BCAS3: variants seen among roughly 807,000 people sequenced by gnomAD.
BCAS3 encodes the protein BCAS4/BCAS3 fusion.
A neutral mutation model predicts 116.1 loss-of-function variants in BCAS3; 53 were observed. The observed-to-expected ratio is 0.46, with a 90% confidence interval of 0.37 to 0.57. The LOEUF is 0.57. Ranked by LOEUF, BCAS3 falls within the 20% of genes least tolerant of loss-of-function variation. The probability of loss-of-function intolerance (pLI) is 0.00; values close to 1 mark genes in which losing one functional copy is unlikely to be tolerated. For missense variants in BCAS3, 917 were observed against 1,165.4 expected, an observed-to-expected ratio of 0.79 and a Z score of 3.10; for synonymous variants, 391 against 408.2, an observed-to-expected ratio of 0.96 and a Z score of 0.51.
rs1472804296 is a variant in BCAS3 at position 61,213,743 on chromosome 17, T to C, written c.2425+129179T>C. ...GTACATTTAACTGCAGAGACTGGATTAGAACACACACATTCAGAATTTTCT... is the reference window on the plus strand; with the variant it reads ...GTACATTTAACTGCAGAGACTGGATCAGAACACACACATTCAGAATTTTCT... On this transcript the variant is annotated intron_variant, in intron 22 of 23. Transcript: ENST00000407086. The surrounding 1 kb of genome is among the most constrained non-coding windows in gnomAD (Gnocchi z 5.4). Among the ~76,000 whole-genome samples the C allele has an allele frequency of 2.6e-5, 4 of 152,128 alleles. No homozygotes were observed. Among genetic ancestry groups the C allele is most frequent in the African/African-American group, 9.7e-5 (4 of 41,430 alleles).
At chr17:61,067,273 G>GTGTGTGTGTATATATATATA (rs1251223420) in intron 19 of BCAS3, among the ~76,000 whole-genome samples, 1 of 58,800 alleles carries the variant, frequency 1.7e-5, no homozygotes, top group African/African-American at 8.6e-5. Context: ...GTGTGTATGT[G>GTGTGTGTGTATATATATATA]TATATATATA....
Position 61,392,046 on chromosome 17 carries a change from G to A in BCAS3, c.2663G>A (p.Arg888Lys). Residue 888 changes from arginine to lysine, a missense_variant, in exon 24 of 24, where the codon AGA (arginine) becomes AAA (lysine). By Grantham distance (26) the Arg-to-Lys change is conservative (BLOSUM62 2). Transcript: ENST00000407086. The surrounding 1 kb of genome is among the most constrained non-coding windows in gnomAD (Gnocchi z 6.4). The stretch of plus-strand genomic sequence containing the variant: ...GGCTCCACCAGCGGCAGCATACCAA[G>A]AAACTTTGATGGCTACCGATCTCCG... Reference protein sequence around the residue: ...SSGSTSGSIPRNFDGYRSPLP... With the variant: ...SSGSTSGSIPKNFDGYRSPLP... 1 of 1,613,928 alleles carries A rather than the reference G, an allele frequency of 6.2e-7. No homozygotes were observed. Among genetic ancestry groups the A allele is most frequent in the Non-Finnish European group, 8.5e-7 (1 of 1,180,000 alleles).
At chr17:61,116,525 A>G (rs548554911) in intron 22 of BCAS3, among the ~76,000 whole-genome samples, 144 of 152,314 alleles carry the variant, frequency 9.5e-4, no homozygotes, top group Non-Finnish European at 1.5e-3. Flanking sequence ...CATAATTTAG[A>G]AAACTTAGGA....
intron 22 of BCAS3, among the ~76,000 whole-genome samples, chr17:61,271,476 T>C (rs1216976631): frequency 7.4e-6 from 1 of 135,798 alleles, no homozygotes; most frequent in Non-Finnish European, 1.6e-5. Flanking sequence ...CAGGCTGGAG[T>C]GCAGTGGCGC....
intron 22 of BCAS3, among the ~76,000 whole-genome samples, chr17:61,206,801 CAAAAAAAAAAAAAA>C (rs71148392): frequency 1.3e-5 from 1 of 74,926 alleles, no homozygotes; most frequent in African/African-American, 5.1e-5. Flanking sequence ...AACTCTGTCT[CAAAAAAAAAAAAAA>C]AAAAAAAAAA....
At chr17:61,234,788 A>AGG (rs1568630365) in intron 22 of BCAS3, among the ~76,000 whole-genome samples, 40 of 148,362 alleles carry the variant, frequency 2.7e-4, no homozygotes, top group South Asian at 1.5e-3. Flanking sequence ...TTCCAGAAAA[A>AGG]AAAAAAAAAA....
intron 23 of BCAS3, among the ~76,000 whole-genome samples, chr17:61,386,232 G>A (rs768215887): frequency 1.3e-5 from 2 of 152,174 alleles, no homozygotes; most frequent in African/African-American, 2.4e-5. Flanking sequence ...GGTGGCCAGG[G>A]GGTGTGCTCT....
At chr17:60,931,228 G>C (rs978138984) in intron 13 of BCAS3, among the ~76,000 whole-genome samples, 1 of 152,008 alleles carries the variant, frequency 6.6e-6, no homozygotes, top group Non-Finnish European at 1.5e-5. Flanking sequence ...CAGGGACAAA[G>C]TGAATAACAT....
In BCAS3 at chr17:61,316,257, G is replaced by C. The variant is rs73330718; in HGVS notation, c.2426-52070G>C. Among the ~76,000 whole-genome samples, 8,506 of 152,120 alleles carry C rather than the reference G, an allele frequency of 0.056. 354 individuals carry two copies. Among genetic ancestry groups the C allele is most frequent in the African/African-American group, 0.12 (5,104 of 41,478 alleles). ...GGAGGTGGAGGCTGCAGTGAGCCGGGATCACGCCACTGCACTCCAGCCTGG... is the reference window on the plus strand; with the variant it reads ...GGAGGTGGAGGCTGCAGTGAGCCGGCATCACGCCACTGCACTCCAGCCTGG... On this transcript the variant is annotated intron_variant, in intron 22 of 23. Coordinates refer to ENST00000407086, the MANE Select transcript of BCAS3 (RefSeq NM_017679.5). The surrounding 1 kb of genome is among the most constrained non-coding windows in gnomAD (Gnocchi z 5.8).
intron 23 of BCAS3, chr17:61,389,108 C>T (rs528534765): frequency 1.0e-5 from 2 of 193,112 alleles, no homozygotes; most frequent in South Asian, 1.1e-4. Context: ...ACACATGGGA[C>T]GATGAGGGGG....
At chr17:60,892,726 G>T (rs2057254356) in intron 10 of BCAS3, among the ~76,000 whole-genome samples, 2 of 152,004 alleles carry the variant, frequency 1.3e-5, no homozygotes, top group African/African-American at 2.4e-5. Flanking sequence ...TTCGAGACCA[G>T]CCTGGCCAAC....
intron 22 of BCAS3, among the ~76,000 whole-genome samples, chr17:61,268,873 A>G (rs1049274720): frequency 1.3e-5 from 2 of 151,850 alleles, no homozygotes; most frequent in South Asian, 2.1e-4. Context: ...TTGTCTTTTT[A>G]TGATTTGCTT....
intron 22 of BCAS3, among the ~76,000 whole-genome samples, chr17:61,283,805 C>T (rs2051462668): frequency 6.6e-6 from 1 of 152,072 alleles, no homozygotes; most frequent in Non-Finnish European, 1.5e-5. Flanking sequence ...GCTCTGTCAC[C>T]CAGGTTGGAA....
rs1193021696 is a variant in BCAS3, at chr17:61,347,238, C to A, written c.2426-21089C>A. 6.6e-6 allele frequency among the ~76,000 whole-genome samples: 1 copy of A among 152,130 alleles called. No individual in the cohort carries two copies. The highest frequency in any genetic ancestry group is 1.5e-5 in the Non-Finnish European group (1 of 68,022). On this transcript the variant is annotated intron_variant, in intron 22 of 23. Coordinates refer to ENST00000407086, the MANE Select transcript of BCAS3 (RefSeq NM_017679.5). This position sits in a 1 kb window ranked among gnomAD's most constrained non-coding sequence, Gnocchi z 4.3. ...CTGGGATTACAGGCATGCACCACCA[C>A]ACCCGGCTGATTTTTATATTTTTAG...
chr17:61,355,972 G>A lies in BCAS3; in HGVS notation c.2426-12355G>A, dbSNP rs1478058272. Among the ~76,000 whole-genome samples the A allele has an allele frequency of 6.6e-6, 1 of 152,162 alleles. No individual in the cohort carries two copies. Among genetic ancestry groups the A allele is most frequent in the Non-Finnish European group, 1.5e-5 (1 of 68,036 alleles). ...TATCCACCTGAAGAAGCAGGCCAGA[G>A]CAGCCTACAGGAAACATTTTCTTTT... On this transcript the variant is annotated intron_variant, in intron 22 of 23. Transcript: ENST00000407086. The surrounding 1 kb of genome is among the most constrained non-coding windows in gnomAD (Gnocchi z 4.2).
At chr17:60,973,424 A>G (rs1358842708) in intron 14 of BCAS3, among the ~76,000 whole-genome samples, 1 of 152,028 alleles carries the variant, frequency 6.6e-6, no homozygotes, top group East Asian at 1.9e-4. Flanking sequence ...AATGTTGGAG[A>G]TGGATGTTGG....
At chr17:61,194,197 T>C (rs929326424) in intron 22 of BCAS3, among the ~76,000 whole-genome samples, 1 of 152,160 alleles carries the variant, frequency 6.6e-6, no homozygotes, top group Non-Finnish European at 1.5e-5. Context: ...CTCGTATTAG[T>C]GGTGTCAAAT....
chr17:60,825,194 T>C (rs2050276218), intron 7 of BCAS3, among the ~76,000 whole-genome samples: 1 of 151,948 alleles, frequency 6.6e-6, no homozygotes, highest in African/African-American at 2.4e-5. Context: ...TAGGTTGTGT[T>C]GCACTTATGT....
At chr17:60,875,695 A>C (rs949615523) in intron 9 of BCAS3, among the ~76,000 whole-genome samples, 1 of 152,044 alleles carries the variant, frequency 6.6e-6, no homozygotes, top group African/African-American at 2.4e-5. Flanking sequence ...TCAATTTTCA[A>C]TAATTTGGCC....
Sources: allele counts gnomAD v4.1 joint callset (sites outside exome capture counted in the v4.1 genomes callset), GRCh38; gene constraint gnomAD v4.1.1; non-coding constraint Gnocchi (gnomAD v3.1); transcripts MANE v1.5; gene names NCBI Gene and HGNC (gene_info 2026-07-23, HGNC 2026-07-21).